Variants in INTS1 observed in about 807,000 individuals in gnomAD.
The protein encoded by INTS1 is integrator complex subunit 1.
A neutral mutation model predicts 241.6 loss-of-function variants in INTS1; 137 were observed. The ratio of observed to expected loss-of-function variants is 0.57; its 90% confidence interval spans 0.49 to 0.65. The LOEUF (loss-of-function observed/expected upper bound fraction) is 0.65. INTS1 is among the 30% of genes least tolerant of loss of function. The pLI is 0.00. For missense variants in INTS1, 3,073 were observed against 3,032.2 expected, an observed-to-expected ratio of 1.01 and a Z score of -0.32; for synonymous variants, 1,692 against 1,337.8, an observed-to-expected ratio of 1.26 and a Z score of -5.78.
At chr7:1,495,289 G>C in intron 13 of INTS1, 144 bp downstream of exon 13, 4 of 1,021,514 alleles carry the variant, frequency 3.9e-6, no homozygotes, top group Non-Finnish European at 2.8e-6. Context: ...GGCTTGTCCC[G>C]GCTTAGTGGG....
rs1781753847 is a variant in INTS1 at position 1,476,914 on chromosome 7, T to C, written c.4943A>G (p.Lys1648Arg). 1 of 1,610,386 alleles carries C rather than the reference T, an allele frequency of 6.2e-7. No individual in the cohort carries two copies. Among genetic ancestry groups the C allele is most frequent in the African/African-American group, 1.3e-5 (1 of 74,854 alleles). The change falls in exon 36 of 48, where the codon AAA becomes AGA. Residue 1648 changes from lysine (K) to arginine (R), a missense_variant. Lys to Arg is a conservative substitution (Grantham distance 26, BLOSUM62 2). Transcript: ENST00000404767. ...GAACGAGGGCACCTGGGCCTGACCT[T>C]TGCCCTGGGGAGGGAGGAAGAAGCC... ...LRLLFSRRKG[K>R]GQAQVPSFRP... is the part of the protein sequence containing the mutation.
intron 36 of INTS1, 39 bp downstream of exon 36, chr7:1,476,755 T>C: frequency 1.9e-6 from 3 of 1,612,440 alleles, no homozygotes; most frequent in Non-Finnish European, 2.5e-6. Context: ...TGAAGGCCAG[T>C]ATGCGCGCAG....
At chr7:1,484,836 G>A (rs542959772) in intron 24 of INTS1, among the ~76,000 whole-genome samples, 37 of 152,252 alleles carry the variant, frequency 2.4e-4, no homozygotes, top group African/African-American at 8.7e-4. Flanking sequence ...CACAGCAGCC[G>A]TGACGGCCCT....
chr7:1,477,085 G>A (rs1036698633), intron 35 of INTS1, among the ~76,000 whole-genome samples, 167 bp from the exon 36 acceptor site: 1 of 152,328 alleles, frequency 6.6e-6, no homozygotes, highest in East Asian at 1.9e-4. Flanking sequence ...TGGTGGCTGC[G>A]CTGCATCTCC....
chr7:1,495,223 G>T (rs1305732179), intron 13 of INTS1, among the ~76,000 whole-genome samples: 1 of 152,262 alleles, frequency 6.6e-6, no homozygotes, highest in East Asian at 1.9e-4. Context: ...GACCTGCCTG[G>T]AGCCTAACGG....
rs750794521 is a variant in INTS1, at chr7:1,486,750, G to A, written c.2851C>T (p.Leu951=). ...AGTAGCAGGTCCTGCAGGCGGCCCAGCAGCTGCCGCTGCTTCTGTTGCCTC... is the reference window on the plus strand; with the variant it reads ...AGTAGCAGGTCCTGCAGGCGGCCCAACAGCTGCCGCTGCTTCTGTTGCCTC... The part of the protein sequence containing the change: ...RQRQQKQRQL[L]GRLQDLLLGP... Residue 951 remains leucine, a synonymous_variant, in exon 22 of 48, where the codon CTG becomes TTG. Transcript: ENST00000404767. 3.7e-6 allele frequency: 6 copies of A among 1,611,494 alleles called. No homozygotes were observed. The highest frequency in any genetic ancestry group is 5.1e-6 in the Non-Finnish European group (6 of 1,179,596).
At chr7:1,474,589 G>C (rs1781625202) in intron 40 of INTS1, 116 bp downstream of exon 40, 2 of 1,391,690 alleles carry the variant, frequency 1.4e-6, no homozygotes, top group Non-Finnish European at 9.6e-7. Flanking sequence ...TCAGCCCATG[G>C]GAACATGCTT....
chr7:1,503,850 C>CCCCCAAAGAA (rs767647912), intron 2 of INTS1, 53 bp downstream of exon 2: 14 of 1,299,596 alleles, frequency 1.1e-5, no homozygotes, highest in Admixed American at 2.1e-5. Flanking sequence ...TCCCCAAAGA[C>CCCCCAAAGAA]CCCCAAAGAC....
intron 19 of INTS1, 151 bp from the exon 20 acceptor site, chr7:1,487,600 C>A: frequency 7.8e-7 from 1 of 1,283,824 alleles, no homozygotes. Flanking sequence ...CCTGGCCCCA[C>A]AGCAGTAAGC....
Position 1,470,376 on chromosome 7 carries a change from G to A in INTS1, c.*201C>T, listed in dbSNP as rs28639682. ...TGGCCCAGAAGGTGAATGAGGGCTT[G>A]CTGGACGGCCCCTGATGCCAGCGGC... On this transcript the variant is annotated 3_prime_UTR_variant, in exon 48 of 48. Coordinates refer to ENST00000404767, the MANE Select transcript of INTS1 (RefSeq NM_001080453.3). 4.0e-3 allele frequency: 2,053 copies of A among 516,372 alleles called. 47 individuals carry two copies. The highest frequency in any genetic ancestry group is 0.037 in the African/African-American group (1,851 of 49,788). The allele number at this position is 516,372 out of a possible 1,614,324, so 32.0% of individuals were successfully genotyped here. A position where few individuals can be genotyped will look rare whatever the true frequency, so the allele number is the denominator to read the frequency against.
At position 1,499,641 on chromosome 7, in the gene INTS1, C is replaced by T. The variant is rs1367514365; in HGVS notation, c.685-9G>A. ...GAGTCCTCGATGTACACCTGTGTGGCAGCCACACCCTCAGCCCCGAGCCCA... is the reference window on the plus strand; with the variant it reads ...GAGTCCTCGATGTACACCTGTGTGGTAGCCACACCCTCAGCCCCGAGCCCA... On this transcript the variant is annotated splice_polypyrimidine_tract_variant and intron_variant, in intron 5 of 47. Transcript: ENST00000404767. The T allele has an allele frequency of 2.5e-6, 4 of 1,589,286 alleles. No homozygotes were observed.
chr7:1,500,564 C>T (rs1282464601), intron 3 of INTS1, among the ~76,000 whole-genome samples, 198 bp from the exon 4 acceptor site: 1 of 152,194 alleles, frequency 6.6e-6, no homozygotes, highest in African/African-American at 2.4e-5. Context: ...GGCTGCCCCA[C>T]AGGCCTCAGC....
chr7:1,482,730 G>A, intron 26 of INTS1, 23 bp from the exon 27 acceptor site: 3 of 1,610,746 alleles, frequency 1.9e-6, no homozygotes, highest in Non-Finnish European at 2.5e-6. Flanking sequence ...CAACGGGTGA[G>A]CAGCCTTCAG....
chr7:1,476,682 G>C (rs745982911), intron 36 of INTS1, 25 bp from the exon 37 acceptor site: 2 of 1,612,322 alleles, frequency 1.2e-6, no homozygotes, highest in African/African-American at 1.3e-5. Context: ...AGGTTCCAGA[G>C]CACGAGGTGT....
Position 1,500,399 on chromosome 7 carries a change from G to GC in INTS1, c.350-34dup, listed in dbSNP as rs751162495. The GC allele has an allele frequency of 4.1e-5, 62 of 1,514,538 alleles. No homozygotes were observed. The African/African-American group carries it at 7.7e-4, about 19-fold the overall frequency. The allele number at this position is 1,514,538 out of a possible 1,614,324, so 93.8% of individuals were successfully genotyped here. ...GGGCAGGCGGTACGGTCAGAACGGG[G>GC]CCAGGGCAGGGTCACCCCAAAGCCT... On this transcript the variant is annotated intron_variant, in intron 3 of 47. Transcript: ENST00000404767.
intron 35 of INTS1, 140 bp from the exon 36 acceptor site, chr7:1,477,058 T>A: frequency 9.1e-7 from 1 of 1,093,508 alleles, no homozygotes; most frequent in Non-Finnish European, 1.3e-6. Flanking sequence ...CCCGTCATGG[T>A]GCTGGAGGGC....
Position 1,480,873 on chromosome 7 carries a change from A to G in INTS1, c.3911T>C (p.Phe1304Ser), listed in dbSNP as rs1781962059. ...CAGGGAGGCTGTGAGCAAGGAGTGG[A>G]AAGTCTGGCCTCCGGAGGCGCCGCG... ...HERGASGGQT[F>S]HSLLTASLPP... is the part of the protein sequence containing the mutation. Residue 1304 changes from phenylalanine (F) to serine (S), a missense_variant, in exon 29 of 48, where the codon TTC becomes TCC. Physicochemically the swap from Phe to Ser is radical, Grantham distance 155 (BLOSUM62 -2). Transcript: ENST00000404767. 6.4e-7 allele frequency: 1 copy of G among 1,556,072 alleles called. No individual in the cohort carries two copies. The highest frequency in any genetic ancestry group is 1.4e-5 in the African/African-American group (1 of 73,510).
chr7:1,482,971 ATCCAGCCCCTGCCCTCG>A (rs1057501483), intron 26 of INTS1: 10 of 470,548 alleles, frequency 2.1e-5, no homozygotes, highest in Non-Finnish European at 3.8e-5. Flanking sequence ...GCGTGTCCCC[ATCCAGCCCCTGCCCTCG>A]GGGCTTTGCT....
In INTS1 at chr7:1,474,277, C is replaced by T; in HGVS notation, c.5720G>A (p.Cys1907Tyr). ...QEFRQQNHLS[C>Y]FLHVLGLLEL... ...CAGCAGGCCCAGCACGTGCAGGAAG[C>T]AGCTCAGGTGGTTCTGCTGCCGGAA... The change falls in exon 41 of 48, where the codon TGC becomes TAC. Residue 1907 changes from cysteine to tyrosine, a missense_variant. Transcript: ENST00000404767. 1.9e-6 allele frequency: 3 copies of T among 1,608,590 alleles called. No homozygotes were observed. Among genetic ancestry groups the T allele is most frequent in the Non-Finnish European group, 1.7e-6 (2 of 1,179,044 alleles).
Sources: gnomAD v4.1 joint callset for allele counts (sites outside exome capture counted in the v4.1 genomes callset) on GRCh38, gnomAD v4.1.1 for gene constraint, MANE v1.5 for transcripts, NCBI Gene and HGNC (gene_info 2026-07-23, HGNC 2026-07-21) for gene names.